TMPRSS11A: variants seen among roughly 807,000 people sequenced by gnomAD.
The protein encoded by TMPRSS11A is transmembrane serine protease 11A.
In TMPRSS11A, 53 loss-of-function variants were observed where a neutral mutation model predicts 58.9. That is an observed-to-expected ratio of 0.90 (90% confidence interval 0.72 to 1.13). TMPRSS11A has a LOEUF of 1.13. TMPRSS11A is among the 50% of genes most tolerant of loss of function. The pLI is 0.00. For synonymous variants in TMPRSS11A, 167 were observed against 169.8 expected, an observed-to-expected ratio of 0.98 and a Z score of 0.13; for missense variants, 493 against 499.3, an observed-to-expected ratio of 0.99 and a Z score of 0.12.
chr4:67,921,270 A>AT, intron 7 of TMPRSS11A, among the ~76,000 whole-genome samples: 1 of 152,344 alleles, frequency 6.6e-6, no homozygotes, highest in East Asian at 1.9e-4. Flanking sequence ...GCTTTCTAAT[A>AT]TATCAGCTTA....
chr4:67,959,255 A>G (rs1259474628), intron 1 of TMPRSS11A, among the ~76,000 whole-genome samples: 1 of 152,242 alleles, frequency 6.6e-6, no homozygotes, highest in African/African-American at 2.4e-5. Context: ...TACTCAAATT[A>G]TAGAAAGCCT....
At chr4:67,911,601 A>T in intron 9 of TMPRSS11A, 98 bp from the exon 10 acceptor site, 1 of 914,516 alleles carries the variant, frequency 1.1e-6, no homozygotes, top group Non-Finnish European at 1.7e-6. Flanking sequence ...GTTACTAGAC[A>T]GTACATGTAT....
chr4:67,926,961 A>G (rs2109745161), intron 5 of TMPRSS11A, among the ~76,000 whole-genome samples: 1 of 152,292 alleles, frequency 6.6e-6, no homozygotes, highest in Non-Finnish European at 1.5e-5. Flanking sequence ...ACCTGCCTGC[A>G]GAGAGGAGCT....
Position 67,922,840 on chromosome 4 carries a change from A to G in TMPRSS11A, c.607T>C (p.Ser203Pro), listed in dbSNP as rs774732229. 3 of 1,614,072 alleles carry G rather than the reference A, an allele frequency of 1.9e-6. No individual in the cohort carries two copies. Among genetic ancestry groups the G allele is most frequent in the Non-Finnish European group, 2.5e-6 (3 of 1,180,044 alleles). ...TGATGGATGTTATCATACTGAAGGG[A>G]AGCTTGCCAAGGCCAGGCCGCCTTG... The part of the protein sequence containing the change: ...APKAAWPWQA[S>P]LQYDNIHQCG... Residue 203 changes from serine (S) to proline (P), a missense_variant, in exon 7 of 10, where the codon TCC becomes CCC. Ser to Pro is a moderately conservative substitution (Grantham distance 74). Coordinates refer to ENST00000508048, the MANE Select transcript of TMPRSS11A (RefSeq NM_001114387.2).
At position 67,910,471 on chromosome 4, in the gene TMPRSS11A, T is replaced by G. The variant is rs1405935389; in HGVS notation, c.*871A>C. Reference sequence around the variant, plus strand: ...CTTATTTTTTTCAGGCATTTAACCCTACAATAATAATGCACAAAATTTCCC... The same window carrying G: ...CTTATTTTTTTCAGGCATTTAACCCGACAATAATAATGCACAAAATTTCCC... On this transcript the variant is annotated 3_prime_UTR_variant, in exon 10 of 10. Coordinates refer to ENST00000508048, the MANE Select transcript of TMPRSS11A (RefSeq NM_001114387.2). The G allele has an allele frequency of 6.6e-6, 1 of 152,084 alleles. No individual in the cohort carries two copies. The highest frequency in any genetic ancestry group is 1.5e-5 in the Non-Finnish European group (1 of 67,940). 9.4% of individuals were successfully genotyped at this position (152,084 alleles called of 1,614,324 possible).
chr4:67,939,420 C>T (rs150836114), intron 3 of TMPRSS11A, among the ~76,000 whole-genome samples: 3 of 152,022 alleles, frequency 2.0e-5, no homozygotes, highest in Non-Finnish European at 2.9e-5. Context: ...TTCTCCTGCT[C>T]GATTGCTCTT....
At chr4:67,931,101 T>C (rs1435927559) in intron 4 of TMPRSS11A, among the ~76,000 whole-genome samples, 1 of 152,062 alleles carries the variant, frequency 6.6e-6, no homozygotes, top group Non-Finnish European at 1.5e-5. Context: ...TACAATAATA[T>C]GGTAAAGGAG....
chr4:67,932,285 AG>A (rs1468868489), intron 3 of TMPRSS11A, among the ~76,000 whole-genome samples: 1 of 152,104 alleles, frequency 6.6e-6, no homozygotes, highest in Non-Finnish European at 1.5e-5. Flanking sequence ...ATTGGTCTAG[AG>A]GGGACCTAGG....
At chr4:67,938,569 C>A (rs1164286102) in intron 3 of TMPRSS11A, among the ~76,000 whole-genome samples, 1 of 152,046 alleles carries the variant, frequency 6.6e-6, no homozygotes, top group Non-Finnish European at 1.5e-5. Flanking sequence ...TTCTTTACTG[C>A]ATCTTGAGTT....
At chr4:67,935,332 G>T (rs907624085) in intron 3 of TMPRSS11A, among the ~76,000 whole-genome samples, 1 of 152,046 alleles carries the variant, frequency 6.6e-6, no homozygotes, top group African/African-American at 2.4e-5. Flanking sequence ...TGTTCCTTTG[G>T]TCTGTAACAA....
intron 1 of TMPRSS11A, among the ~76,000 whole-genome samples, chr4:67,958,040 G>A (rs1212607547): frequency 2.0e-5 from 3 of 152,146 alleles, no homozygotes; most frequent in African/African-American, 4.8e-5. Flanking sequence ...ATTGAGGTTT[G>A]GCAACCTCCA....
intron 3 of TMPRSS11A, among the ~76,000 whole-genome samples, chr4:67,934,967 A>G (rs943492275): frequency 1.3e-5 from 2 of 152,068 alleles, no homozygotes; most frequent in Admixed American, 6.6e-5. Flanking sequence ...GTTTTTTCCA[A>G]CGTAACACCA....
chr4:67,934,414 C>T (rs1427630577), intron 3 of TMPRSS11A, among the ~76,000 whole-genome samples: 6 of 152,128 alleles, frequency 3.9e-5, no homozygotes, highest in East Asian at 1.9e-4. Flanking sequence ...TTTTTGCCAA[C>T]GTTCTGGCAT....
chr4:67,923,940 T>G (rs1397638178), intron 6 of TMPRSS11A, among the ~76,000 whole-genome samples, 188 bp downstream of exon 6: 1 of 152,170 alleles, frequency 6.6e-6, no homozygotes, highest in Non-Finnish European at 1.5e-5. Flanking sequence ...CATGGCAATT[T>G]TTTTCTTGAA....
At chr4:67,949,771 A>G (rs1489141393) in intron 1 of TMPRSS11A, among the ~76,000 whole-genome samples, 2 of 152,100 alleles carry the variant, frequency 1.3e-5, no homozygotes, top group East Asian at 3.9e-4. Context: ...AGGCACCAGA[A>G]TTGCTTGAAC....
chr4:67,954,968 T>G (rs1167109878), intron 1 of TMPRSS11A, among the ~76,000 whole-genome samples: 2 of 152,216 alleles, frequency 1.3e-5, no homozygotes, highest in African/African-American at 4.8e-5. Context: ...TTATCATTCT[T>G]TTTATTGTTA....
intron 1 of TMPRSS11A, among the ~76,000 whole-genome samples, chr4:67,955,884 G>A (rs896647457): frequency 6.6e-5 from 10 of 152,072 alleles, no homozygotes; most frequent in African/African-American, 2.4e-4. Flanking sequence ...TTAAAATAAT[G>A]CAAATAACAA....
Position 67,963,428 on chromosome 4 carries a change from A to G in TMPRSS11A, c.-35T>C, listed in dbSNP as rs537264464. 43 of 1,611,894 alleles carry G rather than the reference A, an allele frequency of 2.7e-5. No individual in the cohort carries two copies. The South Asian group carries it at 4.7e-4, about 18-fold the overall frequency. ...GAAGAATATGATCTTGCAGGTCTGC[A>G]CCCACTGAACTCAACTTTCTAATCA... is the stretch of plus-strand genomic sequence containing the variant. On this transcript the variant is annotated 5_prime_UTR_variant, in exon 1 of 10. Transcript: ENST00000508048.
At chr4:67,940,740 G>A (rs539898617) in intron 3 of TMPRSS11A, among the ~76,000 whole-genome samples, 90 of 152,240 alleles carry the variant, frequency 5.9e-4, no homozygotes, top group African/African-American at 2.1e-3. Context: ...ACATCAAATG[G>A]CTGAAAACTC....
Sources: allele counts gnomAD v4.1 joint callset (sites outside exome capture counted in the v4.1 genomes callset), GRCh38; gene constraint gnomAD v4.1.1; transcripts MANE v1.5; gene names NCBI Gene and HGNC (gene_info 2026-07-23, HGNC 2026-07-21).